PRKCB: variants seen among roughly 807,000 people sequenced by gnomAD.
PRKCB encodes protein kinase C beta type.
A neutral mutation model predicts 81.5 loss-of-function variants in PRKCB; 13 were observed. The ratio of observed to expected loss-of-function variants is 0.16; its 90% CI spans 0.10 to 0.25. PRKCB has a LOEUF of 0.25. Among genes scored for constraint, PRKCB ranks in the 10% least tolerant of loss-of-function variants. The pLI is 1.00. For synonymous variants in PRKCB, 335 were observed against 321.4 expected, an observed-to-expected ratio of 1.04 and a Z score of -0.45; for missense variants, 509 against 875.7, an observed-to-expected ratio of 0.58 and a Z score of 5.29.
At chr16:24,070,985 A>G (rs566423885) in intron 5 of PRKCB, among the ~76,000 whole-genome samples, 20 of 152,312 alleles carry the variant, frequency 1.3e-4, no homozygotes, top group African/African-American at 4.8e-4. Context: ...AGATCTAACT[A>G]GAAGGATGAA....
chr16:24,205,574 AT>A (rs1968034568), intron 16 of PRKCB, among the ~76,000 whole-genome samples: 1 of 152,100 alleles, frequency 6.6e-6, no homozygotes, highest in South Asian at 2.1e-4. Flanking sequence ...AACTAAACCC[AT>A]TTTCTCATTG....
intron 9 of PRKCB, among the ~76,000 whole-genome samples, chr16:24,126,199 C>T (rs1017851853): frequency 1.3e-5 from 2 of 151,260 alleles, no homozygotes; most frequent in African/African-American, 2.4e-5. Context: ...AGGGTCATCA[C>T]CTGGGTGGGA....
At chr16:24,082,456 A>G (rs891695749) in intron 5 of PRKCB, among the ~76,000 whole-genome samples, 2 of 152,232 alleles carry the variant, frequency 1.3e-5, no homozygotes, top group Non-Finnish European at 2.9e-5. Flanking sequence ...CCCAATCTTA[A>G]GACTTACTAT....
chr16:24,118,448 T>G (rs1966760759), intron 8 of PRKCB, among the ~76,000 whole-genome samples: 1 of 152,162 alleles, frequency 6.6e-6, no homozygotes, highest in Non-Finnish European at 1.5e-5. Flanking sequence ...TTAGGGAAAA[T>G]CTACAGGGAC....
intron 2 of PRKCB, among the ~76,000 whole-genome samples, chr16:23,843,938 G>C (rs1045105097): frequency 6.6e-6 from 1 of 151,874 alleles, no homozygotes; most frequent in Non-Finnish European, 1.5e-5. Context: ...TTCTGTCTCT[G>C]TCTCTTTGTT....
chr16:23,839,008 C>A (rs1962217966), intron 2 of PRKCB, among the ~76,000 whole-genome samples: 1 of 152,174 alleles, frequency 6.6e-6, no homozygotes, highest in Non-Finnish European at 1.5e-5. Flanking sequence ...TTTGAGGTTG[C>A]CTTTCACTTC....
At chr16:23,881,573 AT>A (rs1442902088) in intron 2 of PRKCB, among the ~76,000 whole-genome samples, 4 of 152,146 alleles carry the variant, frequency 2.6e-5, no homozygotes, top group Non-Finnish European at 5.9e-5. Context: ...TTTTAAAAAA[AT>A]ATTTTATTCC....
intron 9 of PRKCB, among the ~76,000 whole-genome samples, chr16:24,144,507 G>A (rs756312537): frequency 6.6e-6 from 1 of 152,132 alleles, no homozygotes; most frequent in Non-Finnish European, 1.5e-5. Flanking sequence ...CACCATGTTG[G>A]CCAGGCTGGT....
intron 2 of PRKCB, among the ~76,000 whole-genome samples, chr16:23,915,376 G>T (rs1018280119): frequency 4.6e-5 from 7 of 152,018 alleles, no homozygotes; most frequent in African/African-American, 7.3e-5. Context: ...GCCCCGGAAG[G>T]AGTGAACTGT....
At chr16:23,901,228 C>T (rs1963467252) in intron 2 of PRKCB, among the ~76,000 whole-genome samples, 1 of 152,152 alleles carries the variant, frequency 6.6e-6, no homozygotes, top group Non-Finnish European at 1.5e-5. Flanking sequence ...ATAGTTCATA[C>T]AGCACAGCAA....
chr16:23,972,705 C>T (rs1964573428), intron 2 of PRKCB, among the ~76,000 whole-genome samples: 1 of 152,008 alleles, frequency 6.6e-6, no homozygotes, highest in East Asian at 1.9e-4. Flanking sequence ...AAATGTTTAG[C>T]CTGGTGAAGG....
At chr16:24,191,453 A>C (rs765066943) in intron 16 of PRKCB, 4 of 465,762 alleles carry the variant, frequency 8.6e-6, no homozygotes, top group Non-Finnish European at 1.5e-5. Context: ...ATGCCTATTG[A>C]ATTTTTGTTT....
chr16:24,096,678 T>TATATAC (rs1966448671), intron 7 of PRKCB, among the ~76,000 whole-genome samples: 1 of 25,286 alleles, frequency 4.0e-5, no homozygotes. Context: ...TATATATATA[T>TATATAC]ATATATATAT....
intron 5 of PRKCB, among the ~76,000 whole-genome samples, chr16:24,070,973 A>G (rs186414102): frequency 6.6e-6 from 1 of 152,326 alleles, no homozygotes; most frequent in East Asian, 1.9e-4. Flanking sequence ...AGGTGGCCTT[A>G]TAGATCTAAC....
chr16:24,133,872 C>T (rs1455905189), intron 9 of PRKCB, among the ~76,000 whole-genome samples: 2 of 151,662 alleles, frequency 1.3e-5, no homozygotes, highest in Admixed American at 6.6e-5. Context: ...TTGGGGTCCA[C>T]ACATCTTCCC....
intron 15 of PRKCB, among the ~76,000 whole-genome samples, chr16:24,186,753 C>G (rs1967710046): frequency 6.6e-6 from 1 of 152,248 alleles, no homozygotes; most frequent in Non-Finnish European, 1.5e-5. Context: ...CTGGGCCAGC[C>G]TCTCAGCCTA....
At position 24,217,407 on chromosome 16, in the gene PRKCB, G is replaced by A. The variant is rs765387696; in HGVS notation, c.*2591G>A. On this transcript the variant is annotated 3_prime_UTR_variant, in exon 17 of 17. Coordinates refer to ENST00000643927, the MANE Select transcript of PRKCB (RefSeq NM_002738.7). ...AGAGAGGACAGGGCCATAGCAACAAGGACCTTCTTGGGGGATTAATGGGAG... is the reference window on the plus strand; with the variant it reads ...AGAGAGGACAGGGCCATAGCAACAAAGACCTTCTTGGGGGATTAATGGGAG... 5.3e-5 allele frequency: 52 copies of A among 985,308 alleles called. No homozygotes were observed. The highest frequency in any genetic ancestry group is 6.0e-5 in the Non-Finnish European group (50 of 829,940). The allele number at this position is 985,308 out of a possible 1,614,324, so 61.0% of individuals were successfully genotyped here. A position where few individuals can be genotyped will look rare whatever the true frequency, so the allele number is the denominator to read the frequency against.
At chr16:24,113,374 T>C (rs575829010) in intron 8 of PRKCB, among the ~76,000 whole-genome samples, 1 of 149,450 alleles carries the variant, frequency 6.7e-6, no homozygotes, top group African/African-American at 2.5e-5. Flanking sequence ...TTTTCCTTCC[T>C]TCCTTCCTGC....
intron 5 of PRKCB, among the ~76,000 whole-genome samples, chr16:24,082,934 A>G (rs1966268756): frequency 6.6e-6 from 1 of 152,194 alleles, no homozygotes; most frequent in African/African-American, 2.4e-5. Context: ...CAAATCACAT[A>G]TCTGACAAAG....
Sources: gnomAD v4.1 joint callset for allele counts (sites outside exome capture counted in the v4.1 genomes callset) on GRCh38, gnomAD v4.1.1 for gene constraint, MANE v1.5 for transcripts, NCBI Gene and HGNC (gene_info 2026-07-23, HGNC 2026-07-21) for gene names.